RPRD1A: variants seen among roughly 807,000 people sequenced by gnomAD.
The protein encoded by RPRD1A is regulation of nuclear pre-mRNA domain containing 1A, also known as regulation of nuclear pre-mRNA domain-containing protein 1A.
RPRD1A carries 9 observed loss-of-function variants against 37.8 expected under a neutral mutation model. That is an observed-to-expected ratio of 0.24 (90% CI 0.14 to 0.42). The LOEUF (loss-of-function observed/expected upper bound fraction) is 0.42. RPRD1A is among the 10% of genes least tolerant of loss of function. RPRD1A has a pLI of 1.00. For missense variants in RPRD1A, 255 were observed against 371.0 expected (o/e 0.69, Z 2.57); for synonymous variants, 138 against 139.7 (o/e 0.99, Z 0.08).
intron 1 of RPRD1A, chr18:36,040,725 C>T: frequency 1.3e-6 from 1 of 754,450 alleles, no homozygotes; most frequent in Non-Finnish European, 2.1e-6. Flanking sequence ...CCTCCTTACC[C>T]ACATCTAATC....
chr18:36,008,575 G>GTATATATATATATATATATATATATATA (rs201194752), intron 6 of RPRD1A, among the ~76,000 whole-genome samples: 31 of 42,380 alleles, frequency 7.3e-4, no homozygotes, highest in African/African-American at 2.4e-3. Flanking sequence ...GACCTTGTGT[G>GTATATATATATATATATATATATATATA]TGTATATATA....
At position 35,992,759 on chromosome 18, in the gene RPRD1A, G is replaced by A. The variant is rs1199242852; in HGVS notation, c.*392C>T. ...TAAAGTCTCAATCAACTCCTAATTA[G>A]TTCTTCCCCTTCAGGAATTACATAG... On this transcript the variant is annotated 3_prime_UTR_variant, in exon 7 of 7. Coordinates refer to ENST00000399022, the MANE Select transcript of RPRD1A (RefSeq NM_018170.5). 1.3e-5 allele frequency: 2 copies of A among 154,694 alleles called. No homozygotes were observed. Among genetic ancestry groups the A allele is most frequent in the African/African-American group, 4.8e-5 (2 of 41,484 alleles). The allele number at this position is 154,694 out of a possible 1,614,324, so 9.6% of individuals were successfully genotyped here. A position where few individuals can be genotyped will look rare whatever the true frequency, so the allele number is the denominator to read the frequency against.
intron 1 of RPRD1A, among the ~76,000 whole-genome samples, chr18:36,046,829 T>A (rs1351624298): frequency 7.0e-6 from 1 of 142,360 alleles, no homozygotes; most frequent in Non-Finnish European, 1.5e-5. Context: ...TGAGAGCCCA[T>A]CTGAAAAAAA....
chr18:36,050,284 C>T (rs557631306), intron 1 of RPRD1A, among the ~76,000 whole-genome samples: 3 of 151,828 alleles, frequency 2.0e-5, no homozygotes, highest in East Asian at 3.9e-4. Flanking sequence ...GTCACCCAGG[C>T]GGGAGTGCAG....
At chr18:36,033,300 A>C (rs112376829) in intron 2 of RPRD1A, among the ~76,000 whole-genome samples, 2,221 of 6,060 alleles carry the variant, frequency 0.37, 82 homozygotes, top group Non-Finnish European at 0.4. Context: ...ACTCTGTCTC[A>C]AAAAAAAAAA....
chr18:36,037,361 TTCCC>T (rs1912265544), intron 1 of RPRD1A, among the ~76,000 whole-genome samples: 1 of 152,108 alleles, frequency 6.6e-6, no homozygotes, highest in Non-Finnish European at 1.5e-5. Flanking sequence ...ATAAAGAGCT[TTCCC>T]CCACTTCACT....
At chr18:36,044,459 G>A (rs556845316) in intron 1 of RPRD1A, among the ~76,000 whole-genome samples, 15 of 152,198 alleles carry the variant, frequency 9.9e-5, no homozygotes, top group Non-Finnish European at 1.9e-4. Context: ...AGGCAGAGGC[G>A]GGTGGATCAC....
In RPRD1A at chr18:36,019,909, G is replaced by A. The variant is rs148216422; in HGVS notation, c.789+6991C>T. On this transcript the variant is annotated intron_variant, in intron 6 of 6. Transcript: ENST00000399022. ...ACAAAAATTAGACAGCCGTGATGGC[G>A]CGCACCTGTAATCCCAGCTACTCAG... Among the ~76,000 whole-genome samples the A allele has an allele frequency of 4.5e-3, 680 of 152,218 alleles. 8 individuals are homozygous for A. Among genetic ancestry groups the A allele is most frequent in the African/African-American group, 0.015 (642 of 41,534 alleles).
At chr18:36,015,125 C>T (rs2144219748) in intron 6 of RPRD1A, among the ~76,000 whole-genome samples, 1 of 137,622 alleles carries the variant, frequency 7.3e-6, no homozygotes, top group South Asian at 2.3e-4. Flanking sequence ...AAAGTAGGGT[C>T]TCACATACAC....
chr18:36,021,233 T>C (rs969626439), intron 6 of RPRD1A, among the ~76,000 whole-genome samples: 6 of 152,228 alleles, frequency 3.9e-5, no homozygotes, highest in African/African-American at 1.2e-4. Context: ...CAAGATACTG[T>C]GTTTTCTTAT....
intron 4 of RPRD1A, 112 bp downstream of exon 4, chr18:36,030,696 G>T: frequency 1.6e-6 from 1 of 640,744 alleles, no homozygotes. Flanking sequence ...CTTCTTTCTT[G>T]TACCTAAAAG....
intron 1 of RPRD1A, among the ~76,000 whole-genome samples, chr18:36,054,093 A>T (rs1913592219): frequency 6.6e-6 from 1 of 152,222 alleles, no homozygotes; most frequent in Non-Finnish European, 1.5e-5. Context: ...TGGGGCTACA[A>T]AAAAAGATCA....
intron 1 of RPRD1A, among the ~76,000 whole-genome samples, chr18:36,051,331 T>C (rs1913376740): frequency 6.6e-6 from 1 of 152,162 alleles, no homozygotes; most frequent in African/African-American, 2.4e-5. Context: ...CAGGGGTCTG[T>C]TGACCATATT....
chr18:36,003,237 A>C (rs1219416311), intron 6 of RPRD1A, among the ~76,000 whole-genome samples: 1 of 152,186 alleles, frequency 6.6e-6, no homozygotes, highest in Non-Finnish European at 1.5e-5. Context: ...CTGTGGTTTA[A>C]CCAGCATCTG....
intron 1 of RPRD1A, among the ~76,000 whole-genome samples, chr18:36,046,742 G>A (rs1912982654): frequency 6.6e-6 from 1 of 151,702 alleles, no homozygotes; most frequent in African/African-American, 2.4e-5. Context: ...AGGCTGAGGT[G>A]GGAGGACTGC....
intron 6 of RPRD1A, among the ~76,000 whole-genome samples, chr18:36,002,132 G>A (rs1441546579): frequency 6.6e-6 from 1 of 152,034 alleles, no homozygotes; most frequent in East Asian, 1.9e-4. Context: ...TGAGTTTCCT[G>A]GATCAGTGGT....
At chr18:36,032,643 G>A (rs969453901) in intron 2 of RPRD1A, among the ~76,000 whole-genome samples, 1 of 152,202 alleles carries the variant, frequency 6.6e-6, no homozygotes, top group African/African-American at 2.4e-5. Flanking sequence ...GTAACTAAAA[G>A]GGAAAGAAAT....
intron 6 of RPRD1A, among the ~76,000 whole-genome samples, chr18:36,024,290 G>A (rs982558583): frequency 3.3e-5 from 5 of 150,672 alleles, no homozygotes; most frequent in Non-Finnish European, 7.4e-5. Flanking sequence ...GGGACTACAG[G>A]CACCCACCAC....
chr18:36,053,819 G>A (rs1185781260), intron 1 of RPRD1A, among the ~76,000 whole-genome samples: 1 of 152,044 alleles, frequency 6.6e-6, no homozygotes, highest in Non-Finnish European at 1.5e-5. Context: ...GAGAACCTAG[G>A]CAGTGGGGTG....
Sources: gnomAD v4.1 joint callset for allele counts (sites outside exome capture counted in the v4.1 genomes callset) on GRCh38, gnomAD v4.1.1 for gene constraint, MANE v1.5 for transcripts, NCBI Gene and HGNC (gene_info 2026-07-23, HGNC 2026-07-21) for gene names.